DLEU7: variants seen among roughly 807,000 people sequenced by gnomAD.
DLEU7 encodes the protein deleted in lymphocytic leukemia 7.
DLEU7 carries 17 observed loss-of-function variants against 16.0 expected under a neutral mutation model. The ratio of observed to expected loss-of-function variants is 1.06; its 90% CI spans 0.73 to 1.59. DLEU7 has a LOEUF of 1.59. DLEU7 is among the 40% of genes most tolerant of loss of function. DLEU7 has a pLI of 0.00. For missense variants in DLEU7, 308 were observed against 314.9 expected (o/e 0.98, Z 0.17); for synonymous variants, 113 against 139.8 (o/e 0.81, Z 1.35).
At position 50,753,023 on chromosome 13, in the gene DLEU7, A is replaced by G. The variant is rs1200218945; in HGVS notation, c.460-39783T>C. On this transcript the variant is annotated intron_variant, in intron 1 of 1. Transcript: ENST00000400393. ...TCCTCGTCCCCACCAGATTAGCTAC[A>G]TAAAGAGTGTTGACACAAAGTTTCT... Among the ~76,000 whole-genome samples, 5 of 152,236 alleles carry G rather than the reference A, an allele frequency of 3.3e-5. No homozygotes were observed. In the East Asian group the frequency reaches 7.7e-4, roughly 24 times the overall value.
intron 1 of DLEU7, among the ~76,000 whole-genome samples, chr13:50,723,842 A>AT (rs1466934847): frequency 9.2e-5 from 14 of 151,796 alleles, no homozygotes; most frequent in South Asian, 2.1e-4. Flanking sequence ...TAATAAAAAA[A>AT]ATATATATAT....
At chr13:50,754,482 GA>G (rs1874691561) in intron 1 of DLEU7, among the ~76,000 whole-genome samples, 1 of 152,190 alleles carries the variant, frequency 6.6e-6, no homozygotes, top group Admixed American at 6.5e-5. Context: ...TCTGAAATAA[GA>G]ATAGCTATCT....
intron 1 of DLEU7, among the ~76,000 whole-genome samples, chr13:50,773,464 C>T (rs996290516): frequency 3.3e-5 from 5 of 152,120 alleles, no homozygotes; most frequent in African/African-American, 1.2e-4. Context: ...GTGTGGTTGT[C>T]CTTTTTGTTG....
chr13:50,757,372 C>T (rs555969016), intron 1 of DLEU7, among the ~76,000 whole-genome samples: 12 of 152,330 alleles, frequency 7.9e-5, no homozygotes, highest in Admixed American at 7.2e-4. Context: ...ACCTTGACTT[C>T]AATTAATCTT....
intron 1 of DLEU7, among the ~76,000 whole-genome samples, chr13:50,744,192 A>T (rs539122959): frequency 2.4e-4 from 37 of 152,244 alleles, no homozygotes; most frequent in Admixed American, 1.0e-3. Flanking sequence ...CTGATCTCTG[A>T]TATATGAGCA....
chr13:50,824,373 T>C (rs549111099), intron 1 of DLEU7, among the ~76,000 whole-genome samples: 81 of 152,338 alleles, frequency 5.3e-4, no homozygotes, highest in Admixed American at 4.1e-3. Context: ...TGACATCCCC[T>C]GGACTTCTGG....
intron 1 of DLEU7, among the ~76,000 whole-genome samples, chr13:50,767,390 A>G (rs1875150064): frequency 7.2e-6 from 1 of 138,686 alleles, no homozygotes; most frequent in Non-Finnish European, 1.5e-5. Context: ...CGGGAGGCGG[A>G]GCTTGCAGTG....
chr13:50,777,885 C>A (rs559426615), intron 1 of DLEU7, among the ~76,000 whole-genome samples: 1 of 152,220 alleles, frequency 6.6e-6, no homozygotes, highest in South Asian at 2.1e-4. Context: ...AAATATCTAA[C>A]TTTATATTTC....
chr13:50,769,861 A>G (rs1270776935), intron 1 of DLEU7, among the ~76,000 whole-genome samples: 5 of 152,204 alleles, frequency 3.3e-5, no homozygotes, highest in African/African-American at 1.2e-4. Flanking sequence ...CATTGAATCT[A>G]TAAATTACCT....
At chr13:50,794,304 T>C (rs77327099) in intron 1 of DLEU7, among the ~76,000 whole-genome samples, 3 of 149,544 alleles carry the variant, frequency 2.0e-5, no homozygotes, top group African/African-American at 7.4e-5. Context: ...AAAAAGACTT[T>C]TTTTTTTTTT....
At chr13:50,788,848 C>T (rs547082740) in intron 1 of DLEU7, among the ~76,000 whole-genome samples, 15 of 152,252 alleles carry the variant, frequency 9.9e-5, no homozygotes, top group Non-Finnish European at 2.2e-4. Flanking sequence ...GACACCCTTT[C>T]ACCCTCACAC....
intron 1 of DLEU7, among the ~76,000 whole-genome samples, chr13:50,757,719 T>C (rs146384137): frequency 4.6e-5 from 7 of 152,328 alleles, no homozygotes; most frequent in Admixed American, 1.3e-4. Flanking sequence ...TGTTTCTCTT[T>C]CTAAATGTGA....
chr13:50,759,963 C>T (rs1449080851), intron 1 of DLEU7, among the ~76,000 whole-genome samples: 2 of 152,188 alleles, frequency 1.3e-5, no homozygotes, highest in East Asian at 1.9e-4. Context: ...TGGATAGTGA[C>T]CCCCCATGTA....
chr13:50,732,434 C>T (rs562945285), intron 1 of DLEU7, among the ~76,000 whole-genome samples: 1 of 151,968 alleles, frequency 6.6e-6, no homozygotes, highest in South Asian at 2.1e-4. Flanking sequence ...CATGGTGAAA[C>T]CCCATGTCTA....
At chr13:50,782,161 T>G (rs1875667751) in intron 1 of DLEU7, among the ~76,000 whole-genome samples, 1 of 152,170 alleles carries the variant, frequency 6.6e-6, no homozygotes, top group Non-Finnish European at 1.5e-5. Flanking sequence ...CTCACATATC[T>G]AGAAAACCAC....
chr13:50,780,758 G>A (rs1414204301), intron 1 of DLEU7, among the ~76,000 whole-genome samples: 1 of 152,180 alleles, frequency 6.6e-6, no homozygotes, highest in African/African-American at 2.4e-5. Context: ...AGGTGGAGAA[G>A]GCCTGTGGTC....
intron 1 of DLEU7, among the ~76,000 whole-genome samples, chr13:50,745,065 A>G (rs1874356283): frequency 6.6e-6 from 1 of 152,214 alleles, no homozygotes; most frequent in African/African-American, 2.4e-5. Context: ...TTTCACTCCT[A>G]GGTGTATACC....
At chr13:50,756,321 G>A (rs769463959) in intron 1 of DLEU7, among the ~76,000 whole-genome samples, 11 of 152,166 alleles carry the variant, frequency 7.2e-5, no homozygotes, top group Non-Finnish European at 1.6e-4. Flanking sequence ...GAGTGAATAG[G>A]GAAGGCCCAT....
At chr13:50,732,604 C>T (rs1162579904) in intron 1 of DLEU7, among the ~76,000 whole-genome samples, 5 of 37,140 alleles carry the variant, frequency 1.3e-4, no homozygotes, top group African/African-American at 3.2e-4. Context: ...GAGACTCCAT[C>T]TCAAAAAAAA....
Sources: allele counts gnomAD v4.1 joint callset (sites outside exome capture counted in the v4.1 genomes callset), GRCh38; gene constraint gnomAD v4.1.1; transcripts MANE v1.5; gene names NCBI Gene and HGNC (gene_info 2026-07-23, HGNC 2026-07-21).